ACAD11: variants seen among roughly 807,000 people sequenced by gnomAD.
ACAD11 encodes acyl-Coenzyme A dehydrogenase family, member 11.
In ACAD11, 83 loss-of-function variants were observed where a neutral mutation model predicts 102.2. The observed-to-expected ratio is 0.81, with a 90% CI of 0.68 to 0.97. The LOEUF is 0.97. ACAD11 is among the 50% of genes least tolerant of loss of function. The probability of loss-of-function intolerance (pLI) is 0.00; values close to 1 mark genes in which losing one functional copy is unlikely to be tolerated. For missense variants in ACAD11, 901 were observed against 951.7 expected (o/e 0.95, Z 0.70); for synonymous variants, 324 against 319.8 (o/e 1.01, Z -0.14).
chr3:132,659,022 G>A (rs896783957), intron 1 of ACAD11, among the ~76,000 whole-genome samples: 33 of 152,252 alleles, frequency 2.2e-4, no homozygotes, highest in East Asian at 7.7e-4. Context: ...TTTTAAGAAT[G>A]TATTATCTAT....
intron 13 of ACAD11, among the ~76,000 whole-genome samples, chr3:132,595,390 T>C (rs1405171343): frequency 6.6e-6 from 1 of 152,106 alleles, no homozygotes. Flanking sequence ...CCTTGTGGGA[T>C]CTTGTAGACT....
chr3:132,589,822 G>A (rs953590816), intron 13 of ACAD11, among the ~76,000 whole-genome samples: 1 of 152,122 alleles, frequency 6.6e-6, no homozygotes, highest in Non-Finnish European at 1.5e-5. Flanking sequence ...CAGGTATTAA[G>A]CCCAGTACCC....
chr3:132,586,584 C>T (rs140131084), intron 13 of ACAD11, among the ~76,000 whole-genome samples: 2 of 151,956 alleles, frequency 1.3e-5, no homozygotes, highest in Non-Finnish European at 2.9e-5. Flanking sequence ...TCCCATTTTT[C>T]CCCCAAATAC....
In ACAD11 at chr3:132,626,592, T is replaced by C. The variant is rs1576601791; in HGVS notation, c.1197+99A>G. On this transcript the variant is annotated intron_variant, in intron 9 of 19. Transcript: ENST00000264990. Reference sequence around the variant, plus strand: ...AAGAAGAATCTAGGTAAGGATTGACTAAAGAAAATGACACCATGCTTCTCC... The same window carrying C: ...AAGAAGAATCTAGGTAAGGATTGACCAAAGAAAATGACACCATGCTTCTCC... The C allele has an allele frequency of 6.4e-6, 9 of 1,406,024 alleles. No individual in the cohort carries two copies. In the East Asian group the frequency reaches 9.2e-5, roughly 14 times the overall value. 87.1% of individuals were successfully genotyped at this position (1,406,024 alleles called of 1,614,324 possible). A position where few individuals can be genotyped will look rare whatever the true frequency, so the allele number is the denominator to read the frequency against.
intron 13 of ACAD11, 91 bp from the exon 14 acceptor site, chr3:132,579,649 A>G: frequency 1.0e-6 from 1 of 970,754 alleles, no homozygotes; most frequent in South Asian, 1.4e-5. Context: ...CACTTTACCT[A>G]TGTCAGAAAA....
chr3:132,612,936 T>C (rs1026781826), intron 11 of ACAD11, among the ~76,000 whole-genome samples: 6 of 152,188 alleles, frequency 3.9e-5, no homozygotes, highest in African/African-American at 1.2e-4. Flanking sequence ...CGTATGTTTA[T>C]TGTGGCACTA....
chr3:132,561,234 G>C lies in ACAD11; in HGVS notation c.2002-17C>G. 6.3e-7 allele frequency: 1 copy of C among 1,599,482 alleles called. No homozygotes were observed. The highest frequency in any genetic ancestry group is 8.6e-7 in the Non-Finnish European group (1 of 1,167,314). ...CACAACCTCCTATAGGGGAGGAAAAGGCAGCAAAAGAAGGAGGAGCTAAGC... is the reference window on the plus strand; with the variant it reads ...CACAACCTCCTATAGGGGAGGAAAACGCAGCAAAAGAAGGAGGAGCTAAGC... On this transcript the variant is annotated splice_polypyrimidine_tract_variant and intron_variant, in intron 17 of 19. Coordinates refer to ENST00000264990, the MANE Select transcript of ACAD11 (RefSeq NM_032169.5).
intron 11 of ACAD11, among the ~76,000 whole-genome samples, chr3:132,609,653 CA>C (rs1054030179): frequency 2.6e-5 from 4 of 151,882 alleles, no homozygotes; most frequent in Admixed American, 2.6e-4. Flanking sequence ...CCCACCAACC[CA>C]AAAAAGCCCA....
At chr3:132,656,143 T>C (rs1937785578) in intron 1 of ACAD11, among the ~76,000 whole-genome samples, 1 of 152,266 alleles carries the variant, frequency 6.6e-6, no homozygotes, top group East Asian at 1.9e-4. Flanking sequence ...TCATTCTGTG[T>C]TATGTACAGC....
At chr3:132,645,603 A>G (rs1940686923) in intron 1 of ACAD11, among the ~76,000 whole-genome samples, 1 of 152,256 alleles carries the variant, frequency 6.6e-6, no homozygotes, top group African/African-American at 2.4e-5. Flanking sequence ...ATCCAACTGT[A>G]TAAAGGAGAG....
chr3:132,565,424 C>G (rs1018784004), intron 17 of ACAD11, among the ~76,000 whole-genome samples: 1 of 152,174 alleles, frequency 6.6e-6, no homozygotes, highest in East Asian at 1.9e-4. Flanking sequence ...GGACTTCTCT[C>G]TCTGCCTAGC....
intron 17 of ACAD11, among the ~76,000 whole-genome samples, chr3:132,570,706 A>G (rs1937350053): frequency 6.6e-6 from 1 of 151,690 alleles, no homozygotes; most frequent in African/African-American, 2.4e-5. Context: ...ATTTCCCTTT[A>G]TGTGTCCATG....
intron 11 of ACAD11, 116 bp downstream of exon 11, chr3:132,618,518 A>T: frequency 1.0e-6 from 1 of 965,384 alleles, no homozygotes; most frequent in Non-Finnish European, 1.4e-6. Context: ...AAGTAAAATT[A>T]TAGCTAAATT....
At chr3:132,582,488 C>A (rs1177865704) in intron 13 of ACAD11, among the ~76,000 whole-genome samples, 1 of 151,790 alleles carries the variant, frequency 6.6e-6, no homozygotes, top group Non-Finnish European at 1.5e-5. Context: ...ATCTTGTAAA[C>A]AAATCTGTGG....
intron 17 of ACAD11, among the ~76,000 whole-genome samples, chr3:132,566,304 C>CAAAAAAAAAAAAAA: frequency 7.4e-6 from 1 of 135,836 alleles, no homozygotes; most frequent in Non-Finnish European, 1.5e-5. Context: ...CTCAAAAAAA[C>CAAAAAAAAAAAAAA]AAAAAAAAAA....
At chr3:132,642,859 T>C (rs781537979) in intron 2 of ACAD11, 57 bp from the exon 3 acceptor site, 142 of 1,545,418 alleles carry the variant, frequency 9.2e-5, no homozygotes, top group Non-Finnish European at 1.2e-4. Flanking sequence ...TGTAATTAAA[T>C]TTAATAACTA....
intron 9 of ACAD11, among the ~76,000 whole-genome samples, chr3:132,623,075 T>A (rs1368400399): frequency 6.6e-6 from 1 of 152,202 alleles, no homozygotes; most frequent in Admixed American, 6.5e-5. Flanking sequence ...ATTTTCCAAT[T>A]GGAAGAATTG....
intron 10 of ACAD11, 40 bp downstream of exon 10, chr3:132,619,428 C>A: frequency 7.1e-7 from 1 of 1,415,628 alleles, no homozygotes; most frequent in Non-Finnish European, 9.7e-7. Context: ...TCTCAAAAAA[C>A]ACTTGCATAT....
At chr3:132,605,727 C>T (rs376130954) in intron 11 of ACAD11, among the ~76,000 whole-genome samples, 105 of 152,286 alleles carry the variant, frequency 6.9e-4, no homozygotes, top group African/African-American at 2.4e-3. Flanking sequence ...TAAATTCCTG[C>T]GTATGAGCCA....
Sources: allele counts gnomAD v4.1 joint callset (sites outside exome capture counted in the v4.1 genomes callset), GRCh38; gene constraint gnomAD v4.1.1; transcripts MANE v1.5; gene names NCBI Gene and HGNC (gene_info 2026-07-23, HGNC 2026-07-21).